The following CBLB variants were observed in gnomAD, a reference collection of about 807,000 sequenced individuals.
CBLB encodes the protein Cbl proto-oncogene B, also known as E3 ubiquitin-protein ligase CBL-B.
A neutral mutation model predicts 104.9 loss-of-function variants in CBLB; 31 were observed. That is an observed-to-expected ratio of 0.30 (90% CI 0.22 to 0.40). CBLB has a LOEUF of 0.40. Ranked by LOEUF, CBLB falls within the 10% of genes least tolerant of loss-of-function variation. CBLB has a pLI of 1.00. For missense variants in CBLB, 1,062 were observed against 1,214.6 expected (o/e 0.87, Z 1.87); for synonymous variants, 440 against 422.6 (o/e 1.04, Z -0.51).
At chr3:105,795,592 G>T (rs1422358955) in intron 3 of CBLB, among the ~76,000 whole-genome samples, 2 of 152,180 alleles carry the variant, frequency 1.3e-5, no homozygotes, top group Non-Finnish European at 2.9e-5. Context: ...GACCACAGGA[G>T]AGGAACCTCT....
At chr3:105,683,576 C>G (rs548385043) in intron 14 of CBLB, among the ~76,000 whole-genome samples, 70 of 152,050 alleles carry the variant, frequency 4.6e-4, no homozygotes, top group African/African-American at 1.3e-3. Context: ...AATAAGACTC[C>G]CAAAGAGACC....
chr3:105,670,260 C>A lies in CBLB; in HGVS notation c.2662G>T (p.Asp888Tyr). 2.5e-6 allele frequency: 4 copies of A among 1,613,150 alleles called. 2 individuals carry two copies. The South Asian group carries it at 4.4e-5, about 18-fold the overall frequency. ...GAACATGAAGGAAGCTGATCATAGT[C>A]CTGTGATGTTCTGTTAGTTTTGACA... ...ENVKTNRTSQ[D>Y]YDQLPSCSDG... Residue 888 changes from aspartate (D) to tyrosine (Y), a missense_variant, in exon 18 of 19, where the codon GAC (aspartate) becomes TAC (tyrosine). Around this residue, in one of 2 missense-constraint regions of CBLB, gnomAD observed 605 missense variants for 582.6 expected, o/e 1.04. Coordinates refer to ENST00000394030, the MANE Select transcript of CBLB (RefSeq NM_170662.5).
At chr3:105,859,650 G>T (rs1163295475) in intron 2 of CBLB, among the ~76,000 whole-genome samples, 1 of 101,816 alleles carries the variant, frequency 9.8e-6, no homozygotes, top group Admixed American at 1.1e-4. Flanking sequence ...GCCACAGAGT[G>T]AGACTCCGTG....
intron 3 of CBLB, among the ~76,000 whole-genome samples, chr3:105,843,751 T>C (rs1451569267): frequency 1.3e-5 from 2 of 152,164 alleles, no homozygotes; most frequent in African/African-American, 2.4e-5. Flanking sequence ...TTATTTCAGC[T>C]ACAGACCTTT....
Position 105,693,566 on chromosome 3 carries a change from C to T in CBLB, c.1982G>A (p.Gly661Glu). The change falls in exon 13 of 19, where the codon GGA (glycine) becomes GAA (glutamate). Residue 661 changes from glycine to glutamate, a missense_variant. Transcript: ENST00000394030. ...GAKVFSNGHLGSEEYDVPPRL... is the reference protein window; with the variant it reads ...GAKVFSNGHLESEEYDVPPRL... Reference sequence around the variant, plus strand: ...GGGAGGAACATCATATTCTTCACTTCCAAGGTGACCATTGGAAAAGACCTG... The same window carrying T: ...GGGAGGAACATCATATTCTTCACTTTCAAGGTGACCATTGGAAAAGACCTG... 1.2e-6 allele frequency: 2 copies of T among 1,612,002 alleles called. No homozygotes were observed. The highest frequency in any genetic ancestry group is 1.7e-4 in the Middle Eastern group (1 of 5,912).
rs2083889181 is a variant in CBLB, at chr3:105,808,963, T to C, written c.420-32421A>G. Among the ~76,000 whole-genome samples the C allele has an allele frequency of 3.3e-5, 5 of 152,212 alleles. No homozygotes were observed. In the South Asian group the frequency reaches 1.0e-3, roughly 32 times the overall value. On this transcript the variant is annotated intron_variant, in intron 3 of 18. Transcript: ENST00000394030. ...TTTTAGATTGTAAGATCAGAATCAC[T>C]GTCAGCTGCTCAAAAGACAAAATAA...
rs1194278115 is a variant in CBLB at position 105,831,143 on chromosome 3, G to C, written c.419+22271C>G. On this transcript the variant is annotated intron_variant, in intron 3 of 18. Transcript: ENST00000394030. ...TCATGGTTGAAAAATCAGAAGAGCA[G>C]AAGAGAAAAAGTGTAAAAATGAAAA... Among the ~76,000 whole-genome samples the C allele has an allele frequency of 2.0e-5, 3 of 152,168 alleles. No individual in the cohort carries two copies. The East Asian group carries it at 5.8e-4, about 29-fold the overall frequency.
intron 8 of CBLB, among the ~76,000 whole-genome samples, chr3:105,736,036 A>C (rs16851539): frequency 0.12 from 17,714 of 152,254 alleles, 1,265 homozygotes; most frequent in East Asian, 0.41. Flanking sequence ...ATAATAATGT[A>C]AAGACCATGG....
chr3:105,655,531 G>A lies in CBLB; in HGVS notation c.*3439C>T, dbSNP rs895807031. The A allele has an allele frequency of 4.5e-5, 8 of 177,282 alleles. No homozygotes were observed. The highest frequency in any genetic ancestry group is 2.1e-3 in the Middle Eastern group (1 of 468). 11.0% of individuals were successfully genotyped at this position (177,282 alleles called of 1,614,324 possible). On this transcript the variant is annotated 3_prime_UTR_variant, in exon 19 of 19. Transcript: ENST00000394030. ...AGTACTTGAGGTTACATAATAACCA[G>A]AATTGAAAAGGAATGAATAAAATAT...
At chr3:105,826,241 T>A (rs1002078115) in intron 3 of CBLB, among the ~76,000 whole-genome samples, 12 of 152,164 alleles carry the variant, frequency 7.9e-5, no homozygotes, top group Non-Finnish European at 1.8e-4. Context: ...GAAACGAACA[T>A]ACAAATATTT....
intron 18 of CBLB, among the ~76,000 whole-genome samples, chr3:105,667,626 T>C (rs2064616401): frequency 6.6e-6 from 1 of 152,166 alleles, no homozygotes; most frequent in East Asian, 1.9e-4. Context: ...GGAATAAACA[T>C]TTAGAAGGCT....
intron 3 of CBLB, among the ~76,000 whole-genome samples, chr3:105,804,365 A>C (rs1261463537): frequency 6.6e-6 from 1 of 151,720 alleles, no homozygotes; most frequent in Admixed American, 6.6e-5. Context: ...CCAAAAATAC[A>C]AAAAAACTGG....
chr3:105,868,964 G>C lies in CBLB; in HGVS notation c.-243C>G. 2 of 1,019,818 alleles carry C rather than the reference G, an allele frequency of 2.0e-6. No individual in the cohort carries two copies. Among genetic ancestry groups the C allele is most frequent in the Non-Finnish European group, 2.3e-6 (2 of 852,258 alleles). The allele number at this position is 1,019,818 out of a possible 1,614,324, so 63.2% of individuals were successfully genotyped here. ...CCCTCCCGCCCGACTCGGGGAGGCC[G>C]CGGGACGCCGCAGCAGCACTAGCAG... On this transcript the variant is annotated 5_prime_UTR_variant, in exon 1 of 19. Transcript: ENST00000394030.
At chr3:105,829,293 C>T (rs966172736) in intron 3 of CBLB, among the ~76,000 whole-genome samples, 8 of 151,992 alleles carry the variant, frequency 5.3e-5, no homozygotes, top group Non-Finnish European at 7.4e-5. Flanking sequence ...ATAAACGTAA[C>T]GAATACTGTT....
chr3:105,702,470 A>G lies in CBLB; in HGVS notation c.1594-11T>C, dbSNP rs1363975358. ...CATGCAAGGAGAAGACTAAAGAAAC[A>G]GAAGAGAAAAAAAAAAAAAAAAAAA... On this transcript the variant is annotated splice_polypyrimidine_tract_variant and intron_variant, in intron 11 of 18. Coordinates refer to ENST00000394030, the MANE Select transcript of CBLB (RefSeq NM_170662.5). The G allele has an allele frequency of 4.2e-6, 5 of 1,178,154 alleles. No homozygotes were observed. In the African/African-American group the frequency reaches 9.3e-5, roughly 22 times the overall value. The allele number at this position is 1,178,154 out of a possible 1,614,324, so 73.0% of individuals were successfully genotyped here.
intron 3 of CBLB, among the ~76,000 whole-genome samples, chr3:105,817,604 A>T (rs1233866137): frequency 6.6e-6 from 1 of 152,350 alleles, no homozygotes; most frequent in East Asian, 1.9e-4. Context: ...ACAGAGCCCA[A>T]GCCACTGAGT....
intron 3 of CBLB, among the ~76,000 whole-genome samples, chr3:105,801,243 G>C (rs1183646603): frequency 6.6e-6 from 1 of 152,052 alleles, no homozygotes; most frequent in African/African-American, 2.4e-5. Flanking sequence ...CAGATAAATG[G>C]TCTATAACTT....
chr3:105,690,465 ATT>A (rs1559833462), intron 13 of CBLB, among the ~76,000 whole-genome samples: 1 of 152,180 alleles, frequency 6.6e-6, no homozygotes, highest in Non-Finnish European at 1.5e-5. Context: ...TTTGGAGATA[ATT>A]TAAGTTAAAC....
At chr3:105,726,243 C>T (rs752207165) in intron 9 of CBLB, among the ~76,000 whole-genome samples, 2 of 152,224 alleles carry the variant, frequency 1.3e-5, no homozygotes, top group Non-Finnish European at 2.9e-5. Context: ...ACACTCTCTA[C>T]ATATGGAACA....
Sources: gnomAD v4.1 joint callset for allele counts (sites outside exome capture counted in the v4.1 genomes callset) on GRCh38, gnomAD v4.1.1 for gene constraint, gnomAD v4.1.1 regional missense constraint, MANE v1.5 for transcripts, NCBI Gene and HGNC (gene_info 2026-07-23, HGNC 2026-07-21) for gene names.